POLK: variants seen among roughly 807,000 people sequenced by gnomAD.
POLK encodes DNA polymerase kappa.
POLK carries 76 observed loss-of-function variants against 94.0 expected under a neutral mutation model. The ratio of observed to expected loss-of-function variants is 0.81; its 90% CI spans 0.67 to 0.98. The LOEUF is 0.98. POLK is among the 50% of genes least tolerant of loss of function. POLK has a pLI of 0.00. For missense variants in POLK, 954 were observed against 1,010.1 expected (o/e 0.94, Z 0.75); for synonymous variants, 349 against 325.4 (o/e 1.07, Z -0.78).
At chr5:75,581,174 A>G in intron 6 of POLK, 35 bp from the exon 7 acceptor site, 3 of 1,473,538 alleles carry the variant, frequency 2.0e-6, no homozygotes, top group Non-Finnish European at 2.8e-6. Flanking sequence ...TACTTCTTAA[A>G]ATAAAGGTGA....
chr5:75,532,451 T>A lies in POLK; in HGVS notation c.-13-14559T>A, dbSNP rs555283982. 5.3e-5 allele frequency among the ~76,000 whole-genome samples: 8 copies of A among 152,340 alleles called. No homozygotes were observed. In the South Asian group the frequency reaches 1.7e-3, roughly 32 times the overall value. On this transcript the variant is annotated intron_variant, in intron 1 of 14. Coordinates refer to ENST00000241436, the Ensembl canonical transcript of POLK. ...GCTATATAGTATTCCTTTGTGTATA[T>A]GTACCACTTTTTTTTTTTTAAATCC...
intron 1 of POLK, among the ~76,000 whole-genome samples, chr5:75,545,738 C>T (rs1014137761): frequency 2.0e-5 from 3 of 151,802 alleles, no homozygotes; most frequent in Non-Finnish European, 4.4e-5. Flanking sequence ...TTGAACTTAA[C>T]GTGTATAGTA....
At chr5:75,602,761 A>C (rs567203719), downstream of POLK, among the ~76,000 whole-genome samples, 16 of 152,332 alleles carry the variant, frequency 1.1e-4, no homozygotes, top group South Asian at 3.1e-3. Context: ...AATGTAATTC[A>C]AAGGTCTCTT....
intron 9 of POLK, among the ~76,000 whole-genome samples, chr5:75,585,314 T>C (rs1385148266): frequency 1.3e-5 from 2 of 152,244 alleles, no homozygotes; most frequent in African/African-American, 4.8e-5. Context: ...TTAAACTACA[T>C]TTCTTTTCTT....
At chr5:75,593,769 G>T in intron 11 of POLK, 109 bp from the exon 12 acceptor site, 1 of 555,910 alleles carries the variant, frequency 1.8e-6, no homozygotes, top group Non-Finnish European at 3.0e-6. Flanking sequence ...CTTGAACCCA[G>T]AAGTTGAAGG....
intron 3 of POLK, among the ~76,000 whole-genome samples, chr5:75,561,889 A>G (rs530320283): frequency 6.6e-6 from 1 of 152,200 alleles, no homozygotes; most frequent in Non-Finnish European, 1.5e-5. Context: ...TACCAGTACC[A>G]TGCTGTTTTG....
At chr5:75,531,914 C>A (rs890214341) in intron 1 of POLK, among the ~76,000 whole-genome samples, 1 of 152,180 alleles carries the variant, frequency 6.6e-6, no homozygotes, top group African/African-American at 2.4e-5. Context: ...TTATCTAGGG[C>A]AGTATTCTTA....
chr5:75,593,801 C>G, intron 11 of POLK, 77 bp from the exon 12 acceptor site: 2 of 803,766 alleles, frequency 2.5e-6, no homozygotes, highest in Non-Finnish European at 3.8e-6. Flanking sequence ...TACAGCTGTG[C>G]CAGCGCACTC....
chr5:75,561,161 C>A (rs1770952767), intron 3 of POLK, among the ~76,000 whole-genome samples: 2 of 152,302 alleles, frequency 1.3e-5, no homozygotes, highest in Non-Finnish European at 2.9e-5. Context: ...TTCTCCACAT[C>A]CTCTCCAGCA....
intron 1 of POLK, among the ~76,000 whole-genome samples, chr5:75,539,482 A>C (rs979697273): frequency 6.6e-6 from 1 of 152,162 alleles, no homozygotes; most frequent in Non-Finnish European, 1.5e-5. Context: ...TAGTGTTCAC[A>C]CAAATATTTC....
At chr5:75,541,734 TC>T (rs1191364130) in intron 1 of POLK, among the ~76,000 whole-genome samples, 9 of 152,326 alleles carry the variant, frequency 5.9e-5, no homozygotes, top group South Asian at 2.1e-4. Flanking sequence ...TAAAGTTTTT[TC>T]CTCTTGTTTT....
exon 10 of POLK, chr5:75,587,035 G>A: frequency 6.4e-7 from 1 of 1,557,310 alleles, no homozygotes; most frequent in Non-Finnish European, 8.7e-7. Flanking sequence ...GGGATGGAGA[G>A]AGGAAAAGTA....
At chr5:75,511,907 G>C (rs2112497928) in exon 1 of POLK, 3 of 1,328,004 alleles carry the variant, frequency 2.3e-6, no homozygotes, top group South Asian at 2.8e-5. Context: ...GCGATCCTGA[G>C]GTAACGGGTG....
At chr5:75,527,180 A>G (rs898264085) in intron 1 of POLK, among the ~76,000 whole-genome samples, 5 of 152,098 alleles carry the variant, frequency 3.3e-5, no homozygotes, top group African/African-American at 1.2e-4. Flanking sequence ...AAAGAATTAT[A>G]TAATCAAACT....
intron 1 of POLK, among the ~76,000 whole-genome samples, chr5:75,545,211 C>G (rs1340268344): frequency 6.6e-6 from 1 of 152,120 alleles, no homozygotes; most frequent in Non-Finnish European, 1.5e-5. Flanking sequence ...TTTGCTGGTG[C>G]CAAAAACAGA....
At chr5:75,545,647 A>C (rs1456135375) in intron 1 of POLK, among the ~76,000 whole-genome samples, 2 of 151,978 alleles carry the variant, frequency 1.3e-5, no homozygotes, top group African/African-American at 4.8e-5. Context: ...CTTAGAGATG[A>C]CGTAACTTTC....
intron 2 of POLK, among the ~76,000 whole-genome samples, chr5:75,549,437 T>C (rs1178349283): frequency 6.6e-6 from 1 of 152,064 alleles, no homozygotes; most frequent in Non-Finnish European, 1.5e-5. Flanking sequence ...GCTAGCACAA[T>C]TTCTTTTTTT....
intron 1 of POLK, among the ~76,000 whole-genome samples, chr5:75,530,422 T>G (rs1375896281): frequency 1.4e-5 from 2 of 138,110 alleles, no homozygotes; most frequent in Admixed American, 7.3e-5. Context: ...TTTTTTTTTT[T>G]GAGTTGGAAT....
exon 8 of POLK, chr5:75,583,349 G>A (rs1461317084): frequency 1.2e-6 from 2 of 1,603,242 alleles, no homozygotes; most frequent in Admixed American, 3.3e-5. Flanking sequence ...TAAACCAAAT[G>A]GACAATACCA....
Sources: allele counts gnomAD v4.1 joint callset (sites outside exome capture counted in the v4.1 genomes callset), GRCh38; gene constraint gnomAD v4.1.1; transcripts MANE v1.5; gene names NCBI Gene and HGNC (gene_info 2026-07-23, HGNC 2026-07-21).